FYN: variants seen among roughly 807,000 people sequenced by gnomAD.
FYN encodes tyrosine-protein kinase Fyn.
FYN carries 10 observed loss-of-function variants against 70.2 expected under a neutral mutation model. That is an observed-to-expected ratio of 0.14 (90% CI 0.09 to 0.24). FYN has a LOEUF of 0.24. Ranked by LOEUF, FYN falls within the 10% of genes least tolerant of loss-of-function variation. The probability of loss-of-function intolerance (pLI) is 1.00; values close to 1 mark genes in which losing one functional copy is unlikely to be tolerated. For synonymous variants in FYN, 236 were observed against 248.6 expected, an observed-to-expected ratio of 0.95 and a Z score of 0.48; for missense variants, 319 against 673.1, an observed-to-expected ratio of 0.47 and a Z score of 5.82.
chr6:111,688,483 A>G (rs1292447852), intron 12 of FYN, among the ~76,000 whole-genome samples: 2 of 152,338 alleles, frequency 1.3e-5, no homozygotes, highest in East Asian at 3.9e-4. Context: ...CCATTGCTGT[A>G]AACAAATATT....
chr6:111,692,892 T>C (rs970271781), intron 12 of FYN, among the ~76,000 whole-genome samples: 3 of 152,124 alleles, frequency 2.0e-5, no homozygotes, highest in African/African-American at 7.2e-5. Flanking sequence ...GGACGGCCAG[T>C]GCCAATCAAA....
intron 1 of FYN, among the ~76,000 whole-genome samples, chr6:111,851,484 G>C (rs1290602261): frequency 1.3e-5 from 2 of 152,208 alleles, no homozygotes; most frequent in African/African-American, 4.8e-5. Context: ...GCAACCAAAA[G>C]GGGAAGGGAC....
intron 6 of FYN, among the ~76,000 whole-genome samples, chr6:111,707,134 G>A (rs1320602316): frequency 1.3e-5 from 2 of 152,198 alleles, no homozygotes; most frequent in Admixed American, 6.5e-5. Context: ...AGAGAGGCAA[G>A]ACCCAAGGTG....
At chr6:111,742,974 T>C (rs1259665897) in intron 3 of FYN, among the ~76,000 whole-genome samples, 1 of 151,842 alleles carries the variant, frequency 6.6e-6, no homozygotes, top group Non-Finnish European at 1.5e-5. Flanking sequence ...AATCTTTTTT[T>C]TTTTTTTTTT....
intron 2 of FYN, among the ~76,000 whole-genome samples, chr6:111,828,429 A>G (rs887514928): frequency 1.3e-5 from 2 of 152,212 alleles, no homozygotes; most frequent in East Asian, 3.8e-4. Context: ...AAAATTGAAA[A>G]CGGGGTCTCC....
At chr6:111,749,344 G>A (rs1306881000) in intron 3 of FYN, among the ~76,000 whole-genome samples, 1 of 152,194 alleles carries the variant, frequency 6.6e-6, no homozygotes, top group Non-Finnish European at 1.5e-5. Context: ...ATGATACACA[G>A]ACTGAGCTGC....
chr6:111,718,538 C>T (rs192561649), intron 4 of FYN, among the ~76,000 whole-genome samples: 6 of 152,294 alleles, frequency 3.9e-5, no homozygotes, highest in Admixed American at 3.9e-4. Flanking sequence ...TGAACAAGGA[C>T]AATGGCTGTG....
rs755877937 is a variant in FYN, at chr6:111,719,883, C to T, written c.169G>A (p.Gly57Arg). The change falls in exon 4 of 14, where the codon GGG (glycine) becomes AGG (arginine). Residue 57 changes from glycine (G) to arginine (R), a missense_variant. Physicochemically the swap from Gly to Arg is moderately radical, Grantham distance 125. Coordinates refer to ENST00000354650, the MANE Select transcript of FYN (RefSeq NM_002037.5). ...CCAAAGACGGTGAGTCCTTGGCCCC[C>T]GGCTGCGTGGAAGTTGTTGTAGTTG... is the stretch of plus-strand genomic sequence containing the variant. ...IPNYNNFHAA[G>R]GQGLTVFGGV... 12 of 1,614,108 alleles carry T rather than the reference C, an allele frequency of 7.4e-6. No individual in the cohort carries two copies. The highest frequency in any genetic ancestry group is 1.1e-5 in the South Asian group (1 of 91,072).
intron 10 of FYN, among the ~76,000 whole-genome samples, chr6:111,696,018 T>C (rs1365815950): frequency 6.6e-6 from 1 of 152,360 alleles, no homozygotes; most frequent in South Asian, 2.1e-4. Context: ...GTTTTAATTA[T>C]GGAGAGGAGC....
At chr6:111,808,339 T>G (rs1772217061) in intron 2 of FYN, among the ~76,000 whole-genome samples, 3 of 152,088 alleles carry the variant, frequency 2.0e-5, no homozygotes, top group Admixed American at 2.0e-4. Context: ...GGGCTAGTAT[T>G]GAGGGGGAAA....
intron 2 of FYN, chr6:111,818,875 G>A (rs1293025592): frequency 6.6e-6 from 1 of 152,116 alleles, no homozygotes; most frequent in African/African-American, 2.4e-5. Context: ...TTCTCCTCTT[G>A]AGTCCATCAG....
rs545181022 is a variant in FYN at position 111,672,683 on chromosome 6, T to A, written c.1405+1816A>T. On this transcript the variant is annotated intron_variant, in intron 13 of 13. Coordinates refer to ENST00000354650, the MANE Select transcript of FYN (RefSeq NM_002037.5). ...GGACTAAATTTATTTACTTGCCCAC[T>A]GTGCTAACAATGCCTAGCCTGAGGC... is the stretch of plus-strand genomic sequence containing the variant. Among the ~76,000 whole-genome samples the A allele has an allele frequency of 3.3e-5, 5 of 152,374 alleles. No individual in the cohort carries two copies. In the South Asian group the frequency reaches 1.0e-3, roughly 32 times the overall value.
At chr6:111,781,134 A>G (rs1414266736) in intron 2 of FYN, 2 of 152,164 alleles carry the variant, frequency 1.3e-5, no homozygotes, top group Non-Finnish European at 2.9e-5. Context: ...GGATTAAATG[A>G]TATCAACTAA....
Position 111,681,840 on chromosome 6 carries a change from G to A in FYN, c.1274-7210C>T, listed in dbSNP as rs112086637. 5.3e-3 allele frequency among the ~76,000 whole-genome samples: 801 copies of A among 152,058 alleles called. 8 individuals are homozygous for A. Among genetic ancestry groups the A allele is most frequent in the African/African-American group, 0.019 (772 of 41,482 alleles). On this transcript the variant is annotated intron_variant, in intron 12 of 13. Transcript: ENST00000354650. ...AGTCTTGTTCTACAGATGAGAAAAC[G>A]GAACACCGAGAGGAAAGCAATGTGC... is the stretch of plus-strand genomic sequence containing the variant.
intron 3 of FYN, among the ~76,000 whole-genome samples, chr6:111,778,364 A>ATACTTAACACATTTATGC: frequency 6.6e-6 from 1 of 152,312 alleles, no homozygotes; most frequent in African/African-American, 2.4e-5. Flanking sequence ...GATTCAATAA[A>ATACTTAACACATTTATGC]TACTTAACAC....
At chr6:111,869,201 C>T (rs1448847908) in intron 1 of FYN, among the ~76,000 whole-genome samples, 1 of 152,226 alleles carries the variant, frequency 6.6e-6, no homozygotes, top group East Asian at 1.9e-4. Context: ...CTCACTTAAC[C>T]TCCGTGGAAT....
At chr6:111,858,642 A>T (rs1405477148) in intron 1 of FYN, among the ~76,000 whole-genome samples, 2 of 152,142 alleles carry the variant, frequency 1.3e-5, no homozygotes, top group Non-Finnish European at 2.9e-5. Context: ...AAGCTGAACA[A>T]TGTCTTCTTT....
In FYN at chr6:111,688,966, G is replaced by GA. The variant is rs937523127; in HGVS notation, c.1273+5408dup. Among the ~76,000 whole-genome samples, 92 of 152,002 alleles carry GA rather than the reference G, an allele frequency of 6.1e-4. No homozygotes were observed. The East Asian group carries it at 6.9e-3, about 11-fold the overall frequency. ...ATAGGGAGACAGTATTTTTTTTCTT[G>GA]AAAGATTGATTTTTTCCCTATTTAT... On this transcript the variant is annotated intron_variant, in intron 12 of 13. Transcript: ENST00000354650.
intron 2 of FYN, among the ~76,000 whole-genome samples, chr6:111,841,834 TAGAC>T (rs1242210854): frequency 1.3e-5 from 2 of 152,102 alleles, no homozygotes; most frequent in Non-Finnish European, 2.9e-5. Flanking sequence ...TTTTTCTTCT[TAGAC>T]AGCACCGCTT....
Sources: allele counts gnomAD v4.1 joint callset (sites outside exome capture counted in the v4.1 genomes callset), GRCh38; gene constraint gnomAD v4.1.1; transcripts MANE v1.5; gene names NCBI Gene and HGNC (gene_info 2026-07-23, HGNC 2026-07-21).